GALNT16: variants seen among roughly 807,000 people sequenced by gnomAD.
GALNT16 encodes the protein UDP-GalNAc:polypeptide N-acetylgalactosaminyltransferase-like protein 1.
In GALNT16, 40 loss-of-function variants were observed where a neutral mutation model predicts 76.1. That is an observed-to-expected ratio of 0.53 (90% confidence interval 0.41 to 0.68). The LOEUF is 0.68. Among genes scored for constraint, GALNT16 ranks in the 30% least tolerant of loss-of-function variants. The pLI is 0.00. For missense variants in GALNT16, 621 were observed against 731.9 expected, an observed-to-expected ratio of 0.85 and a Z score of 1.75; for synonymous variants, 276 against 285.2, an observed-to-expected ratio of 0.97 and a Z score of 0.32.
intron 2 of GALNT16, among the ~76,000 whole-genome samples, chr14:69,323,573 C>T (rs1195596903): frequency 6.6e-6 from 1 of 152,188 alleles, no homozygotes; most frequent in Non-Finnish European, 1.5e-5. Flanking sequence ...CACCCCAGCT[C>T]AGCCGGCCAA....
intron 7 of GALNT16, 136 bp downstream of exon 7, chr14:69,331,687 G>C: frequency 1.5e-6 from 1 of 670,164 alleles, no homozygotes; most frequent in South Asian, 1.7e-5. Flanking sequence ...CACCTCCAAA[G>C]AGAAAATGAA....
Position 69,333,066 on chromosome 14 carries a change from A to G in GALNT16, c.779-19A>G. On this transcript the variant is annotated intron_variant, in intron 7 of 14. Transcript: ENST00000448469. The surrounding 1 kb of genome is among the most constrained non-coding windows in gnomAD (Gnocchi z 4.2). ...CAGCTCTGCCCTGAGCTCTGTCCTC[A>G]CCTTGCTGTGTCCCTTAGGGTTCGA... The G allele has an allele frequency of 6.3e-7, 1 of 1,587,934 alleles. No individual in the cohort carries two copies. Among genetic ancestry groups the G allele is most frequent in the Non-Finnish European group, 8.6e-7 (1 of 1,156,252 alleles).
chr14:69,351,914 G>GA (rs2045641419), intron 14 of GALNT16, 117 bp from the exon 15 acceptor site: 1 of 915,144 alleles, frequency 1.1e-6, no homozygotes, highest in Non-Finnish European at 1.7e-6. Flanking sequence ...GGAGGAGGGG[G>GA]ATGTGTCCTA....
intron 1 of GALNT16, among the ~76,000 whole-genome samples, chr14:69,317,035 T>C (rs570458992): frequency 3.5e-4 from 54 of 152,234 alleles, no homozygotes; most frequent in African/African-American, 1.2e-3. Flanking sequence ...ATGTGACATG[T>C]GCCCCTGCTT....
the GALNT16 span, among the ~76,000 whole-genome samples, chr14:69,373,289 C>T: frequency 1.3e-5 from 2 of 152,206 alleles, no homozygotes; most frequent in Admixed American, 6.5e-5. Flanking sequence ...CCCTGGGCTT[C>T]CAAGAAAGAA....
At chr14:69,347,647 C>T (rs533842313) in intron 13 of GALNT16, among the ~76,000 whole-genome samples, 39 of 152,324 alleles carry the variant, frequency 2.6e-4, no homozygotes, top group South Asian at 2.1e-3. Flanking sequence ...TGCCCTCTGG[C>T]CAGCTCCAGC....
At position 69,261,741 on chromosome 14, in the gene GALNT16, C is replaced by G. The variant is rs1427700056; in HGVS notation, c.177+1274C>G. ...TGTCCCCTCATATTCCCATCCTGCC[C>G]CAGATTCCGAGTCCCCTGCAAAGGA... On this transcript the variant is annotated intron_variant, in intron 1 of 14. Coordinates refer to ENST00000448469, the MANE Select transcript of GALNT16 (RefSeq NM_001168368.2). The surrounding 1 kb of genome is among the most constrained non-coding windows in gnomAD (Gnocchi z 6.4). Among the ~76,000 whole-genome samples the G allele has an allele frequency of 6.6e-6, 1 of 151,972 alleles. No individual in the cohort carries two copies. The highest frequency in any genetic ancestry group is 1.5e-5 in the Non-Finnish European group (1 of 67,964).
intron 1 of GALNT16, among the ~76,000 whole-genome samples, chr14:69,319,173 C>T (rs1380713111): frequency 6.6e-6 from 1 of 152,228 alleles, no homozygotes; most frequent in Non-Finnish European, 1.5e-5. Context: ...CAGGGAACCT[C>T]CAACTGGCTC....
At chr14:69,301,382 C>T (rs1018444191) in intron 1 of GALNT16, among the ~76,000 whole-genome samples, 2 of 152,128 alleles carry the variant, frequency 1.3e-5, no homozygotes, top group African/African-American at 2.4e-5. Flanking sequence ...GAGACGGAGT[C>T]TCTCTGTGTT....
At chr14:69,271,078 C>A (rs1402154779) in intron 1 of GALNT16, among the ~76,000 whole-genome samples, 3 of 151,974 alleles carry the variant, frequency 2.0e-5, no homozygotes, top group Non-Finnish European at 2.9e-5. Flanking sequence ...TGAGTGCAGT[C>A]TTGGTGGTGC....
chr14:69,343,184 A>G lies in GALNT16; in HGVS notation c.1271+1420A>G, dbSNP rs535260589. Reference sequence around the variant, plus strand: ...TGTCACCTTGGGGAACACGTGTCCCACCGCTGCCAGCTTTCTCTCAAGGAT... The same window carrying G: ...TGTCACCTTGGGGAACACGTGTCCCGCCGCTGCCAGCTTTCTCTCAAGGAT... On this transcript the variant is annotated intron_variant, in intron 12 of 14. Transcript: ENST00000448469. 5.9e-5 allele frequency among the ~76,000 whole-genome samples: 9 copies of G among 152,316 alleles called. No homozygotes were observed. In the South Asian group the frequency reaches 1.7e-3, roughly 28 times the overall value.
Position 69,333,810 on chromosome 14 carries a change from T to A in GALNT16, c.967+210T>A, listed in dbSNP as rs1379888053. The A allele has an allele frequency of 3.7e-6, 2 of 535,366 alleles. No homozygotes were observed. The highest frequency in any genetic ancestry group is 2.4e-5 in the South Asian group (1 of 42,060). The allele number at this position is 535,366 out of a possible 1,614,324, so 33.2% of individuals were successfully genotyped here. ...AGGCACAGAGAAGTTAAGCAATTTG[T>A]CCAGAGCCACACAGCTAGTAAACAA... On this transcript the variant is annotated intron_variant, in intron 9 of 14. Coordinates refer to ENST00000448469, the MANE Select transcript of GALNT16 (RefSeq NM_001168368.2). This position sits in a 1 kb window ranked among gnomAD's most constrained non-coding sequence, Gnocchi z 4.2.
At chr14:69,361,348 CA>C (rs2045722598), downstream of GALNT16, among the ~76,000 whole-genome samples, 1 of 152,164 alleles carries the variant, frequency 6.6e-6, no homozygotes, top group Non-Finnish European at 1.5e-5. Context: ...ACCCCATTTA[CA>C]AACTAGATAT....
At chr14:69,321,928 G>A (rs1207361451) in intron 2 of GALNT16, among the ~76,000 whole-genome samples, 2 of 152,250 alleles carry the variant, frequency 1.3e-5, no homozygotes, top group Admixed American at 6.5e-5. Context: ...TAGCAACAAT[G>A]ACTTGGATCA....
chr14:69,324,719 C>T lies in GALNT16; in HGVS notation c.363C>T (p.Asp121=), dbSNP rs375288963. 3 of 1,612,634 alleles carry T rather than the reference C, an allele frequency of 1.9e-6. No homozygotes were observed. The South Asian group carries it at 3.3e-5, about 18-fold the overall frequency. ...YSCPSVSYSS[D]LPATSVIITF... ...GCCCATCTGTGTCCTACTCCTCGGA[C>T]CTGCCAGCCACCAGCGTCATCATCA... The change falls in exon 3 of 15, where the codon GAC becomes GAT. Residue 121 remains aspartate (D), a synonymous_variant. Transcript: ENST00000448469.
chr14:69,266,536 A>G (rs2044344500), intron 1 of GALNT16, among the ~76,000 whole-genome samples: 1 of 152,236 alleles, frequency 6.6e-6, no homozygotes, highest in Non-Finnish European at 1.5e-5. Flanking sequence ...ATTATTCTGT[A>G]GGGTTCCAAG....
Position 69,325,993 on chromosome 14 carries a change from C to G in GALNT16, c.534C>G (p.Pro178=). 1.2e-6 allele frequency: 2 copies of G among 1,614,114 alleles called. No homozygotes were observed. The stretch of plus-strand genomic sequence containing the variant: ...ACTGTCTACTCCTGACCAGGATCCC[C>G]AAGGTCAAGTGCCTGCGCAATGATC... ...PEDCLLLTRI[P]KVKCLRNDRR... Residue 178 remains proline, a synonymous_variant, in exon 5 of 15, where the codon CCC becomes CCG. Coordinates refer to ENST00000448469, the MANE Select transcript of GALNT16 (RefSeq NM_001168368.2).
At chr14:69,276,589 G>A (rs944794850) in intron 1 of GALNT16, among the ~76,000 whole-genome samples, 1 of 151,994 alleles carries the variant, frequency 6.6e-6, no homozygotes, top group African/African-American at 2.4e-5. Flanking sequence ...GCTGAGGCAG[G>A]AGAATCGCTT....
intron 1 of GALNT16, among the ~76,000 whole-genome samples, chr14:69,288,772 A>T (rs556605664): frequency 6.6e-6 from 1 of 152,340 alleles, no homozygotes; most frequent in Admixed American, 6.5e-5. Context: ...ACTCAATATG[A>T]GGTCCAGAAA....
Sources: allele counts gnomAD v4.1 joint callset (sites outside exome capture counted in the v4.1 genomes callset), GRCh38; gene constraint gnomAD v4.1.1; non-coding constraint Gnocchi (gnomAD v3.1); transcripts MANE v1.5; gene names NCBI Gene and HGNC (gene_info 2026-07-23, HGNC 2026-07-21).